CYGB: variants seen among roughly 807,000 people sequenced by gnomAD.
CYGB encodes the protein histoglobin.
CYGB carries 13 observed loss-of-function variants against 20.7 expected under a neutral mutation model. That is an observed-to-expected ratio of 0.63 (90% CI 0.41 to 1.00). The LOEUF is 1.00. CYGB is among the 50% of genes least tolerant of loss of function. The pLI, the probability that CYGB is intolerant of heterozygous loss-of-function variation, is 0.00. For synonymous variants in CYGB, 93 were observed against 107.4 expected (o/e 0.87, Z 0.83); for missense variants, 218 against 257.2 (o/e 0.85, Z 1.04).
upstream of CYGB, among the ~76,000 whole-genome samples, chr17:76,541,163 T>C (rs2074988415): frequency 6.6e-6 from 1 of 152,188 alleles, no homozygotes; most frequent in African/African-American, 2.4e-5. Flanking sequence ...TTCCAGACTT[T>C]TCCTTCCCTG....
At chr17:76,540,154 C>G (rs200954045), upstream of CYGB, 368 of 1,603,570 alleles carry the variant, frequency 2.3e-4, no homozygotes, top group Non-Finnish European at 3.1e-4. The surrounding 1 kb of genome is among the most constrained non-coding windows in gnomAD (Gnocchi z 5.0). Context: ...GTGCACCACC[C>G]TTTTCCTGCT....
At chr17:76,544,020 C>A (rs2075023716) in intron 1 of CYGB, 1 of 455,870 alleles carries the variant, frequency 2.2e-6, no homozygotes, top group Non-Finnish European at 4.4e-6. Context: ...TTTGCTGATG[C>A]TCAGTCCCGG....
At chr17:76,551,189 A>T (rs923418936), upstream of CYGB, 8 of 152,302 alleles carry the variant, frequency 5.3e-5, no homozygotes, top group Admixed American at 3.9e-4. Flanking sequence ...CAGAGAAGAG[A>T]ATGCAGTGAA....
At chr17:76,534,380 TGCTGGCCAG>T (rs2074891002) in intron 1 of CYGB, among the ~76,000 whole-genome samples, 1 of 152,176 alleles carries the variant, frequency 6.6e-6, no homozygotes, top group African/African-American at 2.4e-5. Context: ...GGTTTCGCCA[TGCTGGCCAG>T]GCTGGTGTCG....
intron 1 of CYGB, among the ~76,000 whole-genome samples, chr17:76,547,815 T>C (rs1457445511): frequency 2.9e-5 from 4 of 137,744 alleles, no homozygotes; most frequent in Admixed American, 2.1e-4. Flanking sequence ...GAGACACACA[T>C]TCACACACAC....
At chr17:76,545,426 G>A (rs1465172766) in intron 1 of CYGB, 2 of 455,386 alleles carry the variant, frequency 4.4e-6, no homozygotes, top group East Asian at 1.4e-4. Context: ...AAGAGCCGCT[G>A]CTTGGGAATG....
In CYGB at chr17:76,530,933, G is replaced by A. The variant is rs2074829673; in HGVS notation, c.539+46C>T. 3.3e-6 allele frequency: 5 copies of A among 1,530,756 alleles called. No homozygotes were observed. In the South Asian group the frequency reaches 6.2e-5, roughly 19 times the overall value. The allele number at this position is 1,530,756 out of a possible 1,614,324, so 94.8% of individuals were successfully genotyped here. A position where few individuals can be genotyped will look rare whatever the true frequency, so the allele number is the denominator to read the frequency against. The stretch of plus-strand genomic sequence containing the variant: ...ATGGGAGACCTCGGGGACAGCAGAG[G>A]ACATGGCGGGGAGGCTGCCCAGCCC... On this transcript the variant is annotated intron_variant, in intron 3 of 3. Coordinates refer to ENST00000293230, the MANE Select transcript of CYGB (RefSeq NM_134268.5). The surrounding 1 kb of genome is among the most constrained non-coding windows in gnomAD (Gnocchi z 6.1).
intron 1 of CYGB, among the ~76,000 whole-genome samples, chr17:76,534,572 C>T (rs4594280): frequency 0.98 from 149,024 of 152,348 alleles, 72,974 homozygotes; most frequent in Middle Eastern, 1. Flanking sequence ...ACTTACTGTA[C>T]GATCTCACGA....
chr17:76,541,939 C>T (rs1399778989), upstream of CYGB, among the ~76,000 whole-genome samples: 1 of 152,178 alleles, frequency 6.6e-6, no homozygotes, highest in African/African-American at 2.4e-5. Flanking sequence ...TAAATGCTAG[C>T]AGCTGTCTTG....
Position 76,531,783 on chromosome 17 carries a change from C to T in CYGB, c.144-92G>A, listed in dbSNP as rs1034028931. 3.2e-4 allele frequency: 330 copies of T among 1,024,810 alleles called. 1 individual carries two copies. Among genetic ancestry groups the T allele is most frequent in the Middle Eastern group, 4.3e-4 (2 of 4,614 alleles). 63.5% of individuals were successfully genotyped at this position (1,024,810 alleles called of 1,614,324 possible). On this transcript the variant is annotated intron_variant, in intron 1 of 3. Coordinates refer to ENST00000293230, the MANE Select transcript of CYGB (RefSeq NM_134268.5). This position sits in a 1 kb window ranked among gnomAD's most constrained non-coding sequence, Gnocchi z 7.4. ...GGATAGTGGGGGCTGAAGAAGTGGA[C>T]CGCAGTGCTCCCCACCCCCGCACCG...
At position 76,546,158 on chromosome 17, in the gene CYGB, A is replaced by C. The variant is rs4789310; in HGVS notation, c.-53+4704T>G. 147,420 of 152,438 alleles carry C rather than the reference A, an allele frequency of 0.97. 71,487 individuals carry two copies. Among genetic ancestry groups the C allele is most frequent in the Middle Eastern group, 1 (294 of 294 alleles). The allele number at this position is 152,438 out of a possible 1,614,324, so 9.4% of individuals were successfully genotyped here. ...TACCTTCCTCCGTGTGAATGCTAAT[A>C]TCTCTGCTGGGGGAGCCTGAGTGAC... is the stretch of plus-strand genomic sequence containing the variant. On this transcript the variant is annotated intron_variant, in intron 1 of 3. Coordinates refer to the CYGB transcript ENST00000589145. This position sits in a 1 kb window ranked among gnomAD's most constrained non-coding sequence, Gnocchi z 4.5.
chr17:76,529,733 G>T (rs1358359868), intron 3 of CYGB: 2 of 985,210 alleles, frequency 2.0e-6, no homozygotes, highest in Admixed American at 6.1e-5. Context: ...GGGTGAGGGG[G>T]CAACCACTGC....
Position 76,537,441 on chromosome 17 carries a change from G to A in CYGB, c.102C>T (p.Leu34=), listed in dbSNP as rs370725343. 12 of 1,598,852 alleles carry A rather than the reference G, an allele frequency of 7.5e-6. No homozygotes were observed. The highest frequency in any genetic ancestry group is 1.1e-5 in the South Asian group (1 of 90,038). The change falls in exon 1 of 4, where the codon CTC becomes CTT. Residue 34 remains leucine, a synonymous_variant. Coordinates refer to ENST00000293230, the MANE Select transcript of CYGB (RefSeq NM_134268.5). The part of the protein sequence containing the change: ...RKAVQAMWAR[L]YANCEDVGVA... Reference sequence around the variant, plus strand: ...CCCCCACGTCCTCGCAGTTGGCATAGAGCCGGGCCCACATAGCCTGCACCG... The same window carrying A: ...CCCCCACGTCCTCGCAGTTGGCATAAAGCCGGGCCCACATAGCCTGCACCG...
chr17:76,537,342 G>T, intron 1 of CYGB, 58 bp downstream of exon 1: 2 of 1,505,052 alleles, frequency 1.3e-6, no homozygotes, highest in South Asian at 2.4e-5. Context: ...GCCCTCCTCT[G>T]CCCGGAGCCG....
At position 76,537,569 on chromosome 17, in the gene CYGB, T is replaced by C. The variant is rs775066809; in HGVS notation, c.-27A>G. 1.5e-5 allele frequency: 19 copies of C among 1,304,408 alleles called. No individual in the cohort carries two copies. Among genetic ancestry groups the C allele is most frequent in the Non-Finnish European group, 1.9e-5 (19 of 1,015,356 alleles). The allele number at this position is 1,304,408 out of a possible 1,614,324, so 80.8% of individuals were successfully genotyped here. ...AGCAGCTCCAAGCCCAGCCCGGCTTTGCTCGGCGGCGGCGGTGGCGGGGCG... is the reference window on the plus strand; with the variant it reads ...AGCAGCTCCAAGCCCAGCCCGGCTTCGCTCGGCGGCGGCGGTGGCGGGGCG... On this transcript the variant is annotated 5_prime_UTR_variant, in exon 1 of 4. Transcript: ENST00000293230.
chr17:76,537,215 G>C (rs2074926167), intron 1 of CYGB, among the ~76,000 whole-genome samples, 185 bp downstream of exon 1: 1 of 152,200 alleles, frequency 6.6e-6, no homozygotes, highest in African/African-American at 2.4e-5. Context: ...CGGAGCCAGG[G>C]AAGGCTCAAC....
chr17:76,544,404 G>A (rs1474318613), intron 1 of CYGB: 1 of 454,950 alleles, frequency 2.2e-6, no homozygotes, highest in Admixed American at 2.3e-5. Flanking sequence ...GGAACCGCTG[G>A]GGAGGCGCTC....
At chr17:76,534,252 C>T (rs1409663035) in intron 1 of CYGB, among the ~76,000 whole-genome samples, 1 of 151,578 alleles carries the variant, frequency 6.6e-6, no homozygotes, top group African/African-American at 2.4e-5. Flanking sequence ...TCTTGGCTCA[C>T]TGCAACCTCT....
At chr17:76,535,717 G>C (rs1307988244) in intron 1 of CYGB, among the ~76,000 whole-genome samples, 1 of 152,184 alleles carries the variant, frequency 6.6e-6, no homozygotes, top group Admixed American at 6.5e-5. Context: ...CTGAAAACTC[G>C]GACTGCCCAG....
Sources: allele counts gnomAD v4.1 joint callset (sites outside exome capture counted in the v4.1 genomes callset), GRCh38; gene constraint gnomAD v4.1.1; non-coding constraint Gnocchi (gnomAD v3.1); transcripts MANE v1.5; gene names NCBI Gene and HGNC (gene_info 2026-07-23, HGNC 2026-07-21).